The following HAP1 variants were observed in gnomAD, a reference collection of about 807,000 sequenced individuals.
HAP1 encodes the protein huntingtin-associated protein 1.
HAP1 carries 59 observed loss-of-function variants against 60.3 expected under a neutral mutation model. The observed-to-expected ratio is 0.98, with a 90% confidence interval of 0.79 to 1.22. HAP1 has a LOEUF of 1.22. HAP1 is among the 50% of genes most tolerant of loss of function. The pLI, the probability that HAP1 is intolerant of heterozygous loss-of-function variation, is 0.00. For synonymous variants in HAP1, 346 were observed against 330.6 expected (o/e 1.05, Z -0.50); for missense variants, 825 against 785.3 (o/e 1.05, Z -0.60).
chr17:41,720,398 T>C (rs1555586801), downstream of HAP1, among the ~76,000 whole-genome samples: 1 of 151,660 alleles, frequency 6.6e-6, no homozygotes, highest in African/African-American at 2.4e-5. Flanking sequence ...TTTCTCCATG[T>C]TGCTCAGGCT....
downstream of HAP1, among the ~76,000 whole-genome samples, chr17:41,720,231 T>C (rs1911145457): frequency 6.6e-6 from 1 of 150,474 alleles, no homozygotes; most frequent in Admixed American, 6.6e-5. Context: ...GTTTCGCTGT[T>C]GTTGCCCAGG....
At chr17:41,727,977 G>T (rs1381649447) in intron 7 of HAP1, 141 bp from the exon 8 acceptor site, 1 of 697,894 alleles carries the variant, frequency 1.4e-6, no homozygotes, top group Non-Finnish European at 2.5e-6. Context: ...GGAGGGCAAA[G>T]AAGGCAGGGG....
At position 41,731,999 on chromosome 17, in the gene HAP1, T is replaced by C. The variant is rs1305365577; in HGVS notation, c.834A>G (p.Glu278=). 2.6e-5 allele frequency: 35 copies of C among 1,323,938 alleles called. No individual in the cohort carries two copies. The highest frequency in any genetic ancestry group is 3.8e-5 in the Non-Finnish European group (35 of 920,122). The allele number at this position is 1,323,938 out of a possible 1,614,324, so 82.0% of individuals were successfully genotyped here. A position where few individuals can be genotyped will look rare whatever the true frequency, so the allele number is the denominator to read the frequency against. ...CTTCCTCTGCTTCTTCTTCTTCCTG[T>C]TCCTCTTCTGCCTCCTTTTCTTCCT... ...EEEEEKEAEE[E]QEEEEAEEDL... is the part of the protein sequence containing the mutation. Residue 278 remains glutamate (E), a synonymous_variant, in exon 4 of 11, where the codon GAA becomes GAG. Coordinates refer to ENST00000347901, the MANE Select transcript of HAP1 (RefSeq NM_177977.3).
Position 41,724,689 on chromosome 17 carries a change from C to T in HAP1, c.*12G>A, listed in dbSNP as rs1445364492. ...CAGGTGAGCACTCGGGGAGCTTATC[C>T]ACCCTCTCTTTTCATCGGCACGACG... On this transcript the variant is annotated 3_prime_UTR_variant, in exon 11 of 11. Coordinates refer to ENST00000347901, the MANE Select transcript of HAP1 (RefSeq NM_177977.3). 3.2e-6 allele frequency: 5 copies of T among 1,575,182 alleles called. No individual in the cohort carries two copies. In the African/African-American group the frequency reaches 4.0e-5, roughly 13 times the overall value.
rs880000316 is a variant in HAP1 at position 41,726,059 on chromosome 17, C to T, written c.1368-162G>A. On this transcript the variant is annotated intron_variant, in intron 9 of 10. Coordinates refer to ENST00000347901, the MANE Select transcript of HAP1 (RefSeq NM_177977.3). ...CCGAGGTGGGCAGGTCACCTGAGGT[C>T]AGGAGTTCAAGACCAGCCTAGCCAA... Among the ~76,000 whole-genome samples, 3 of 152,006 alleles carry T rather than the reference C, an allele frequency of 2.0e-5. No individual in the cohort carries two copies. The South Asian group carries it at 6.2e-4, about 31-fold the overall frequency.
At position 41,725,789 on chromosome 17, in the gene HAP1, C is replaced by G. The variant is rs965873907; in HGVS notation, c.1406+70G>C. ...CTCCGGAGTTGCAGGGTGGCAGAAC[C>G]AGAGGCAGGTGGGCTGTCTGGCTGC... is the stretch of plus-strand genomic sequence containing the variant. On this transcript the variant is annotated intron_variant, in intron 10 of 10. Coordinates refer to ENST00000347901, the MANE Select transcript of HAP1 (RefSeq NM_177977.3). 7.6e-6 allele frequency: 9 copies of G among 1,177,504 alleles called. No individual in the cohort carries two copies. In the African/African-American group the frequency reaches 1.4e-4, roughly 18 times the overall value. The allele number at this position is 1,177,504 out of a possible 1,614,324, so 72.9% of individuals were successfully genotyped here. A position where few individuals can be genotyped will look rare whatever the true frequency, so the allele number is the denominator to read the frequency against.
rs1555588429 is a variant in HAP1 at position 41,725,083 on chromosome 17, G to A, written c.1478C>T (p.Ala493Val). The change falls in exon 11 of 11, where the codon GCA becomes GTA. Residue 493 changes from alanine to valine, a missense_variant. Physicochemically the swap from Ala to Val is moderately conservative, Grantham distance 64. Coordinates refer to ENST00000347901, the MANE Select transcript of HAP1 (RefSeq NM_177977.3). ...GFEAEEGLML[A>V]ADIMRGEDFT... The stretch of plus-strand genomic sequence containing the variant: ...ATCTTCCCCCCGCATGATATCCGCT[G>A]CCAGCATCAACCCTTCCTCAGCCTC... 1 of 1,613,272 alleles carries A rather than the reference G, an allele frequency of 6.2e-7. No individual in the cohort carries two copies. The highest frequency in any genetic ancestry group is 2.2e-5 in the East Asian group (1 of 44,888).
rs1218701911 is a variant in HAP1 at position 41,724,810 on chromosome 17, T to C, written c.1751A>G (p.Asp584Gly). ...YVLQQLANWQ[D>G]AHYRRQLRWK... is the part of the protein sequence containing the mutation. Reference sequence around the variant, plus strand: ...CCTCAGCTGCCGCCTGTAATGGGCATCTTGCCAGTTGGCCAGCTGCTGGAG... The same window carrying C: ...CCTCAGCTGCCGCCTGTAATGGGCACCTTGCCAGTTGGCCAGCTGCTGGAG... Residue 584 changes from aspartate (D) to glycine (G), a missense_variant, in exon 11 of 11, where the codon GAT (aspartate) becomes GGT (glycine). Asp to Gly is a moderately conservative substitution (Grantham distance 94). Coordinates refer to ENST00000347901, the MANE Select transcript of HAP1 (RefSeq NM_177977.3). 3 of 1,612,874 alleles carry C rather than the reference T, an allele frequency of 1.9e-6. No individual in the cohort carries two copies. Among genetic ancestry groups the C allele is most frequent in the African/African-American group, 1.3e-5 (1 of 74,926 alleles).
Position 41,728,291 on chromosome 17 carries a change from C to T in HAP1, c.1110G>A (p.Leu370=), listed in dbSNP as rs781886861. 6.2e-7 allele frequency: 1 copy of T among 1,613,644 alleles called. No homozygotes were observed. The change falls in exon 7 of 11, where the codon CTG becomes CTA. Residue 370 remains leucine, a synonymous_variant. Coordinates refer to ENST00000347901, the MANE Select transcript of HAP1 (RefSeq NM_177977.3). Reference sequence around the variant, plus strand: ...GTTCATAGTTTTCCAGCCTGAGCACCAGCACCTCCGACAGCTCAGCCATCT... The same window carrying T: ...GTTCATAGTTTTCCAGCCTGAGCACTAGCACCTCCGACAGCTCAGCCATCT... ...SQQMAELSEV[L]VLRLENYERQ...
chr17:41,731,988 T>G lies in HAP1; in HGVS notation c.845A>C (p.Glu282Ala). The change falls in exon 4 of 11, where the codon GAA becomes GCA. Residue 282 changes from glutamate to alanine, a missense_variant. By Grantham distance (107) the Glu-to-Ala change is moderately radical (BLOSUM62 -1). Coordinates refer to ENST00000347901, the MANE Select transcript of HAP1 (RefSeq NM_177977.3). ...EKEAEEEQEE[E>A]EAEEDLQCAH... ...ACACTGCAGGTCTTCCTCTGCTTCT[T>G]CTTCTTCCTGTTCCTCTTCTGCCTC... 3 of 1,258,584 alleles carry G rather than the reference T, an allele frequency of 2.4e-6. No individual in the cohort carries two copies. The highest frequency in any genetic ancestry group is 3.5e-6 in the Non-Finnish European group (3 of 864,938). The allele number at this position is 1,258,584 out of a possible 1,614,324, so 78.0% of individuals were successfully genotyped here.
rs781965955 is a variant in HAP1, at chr17:41,724,982, T to A, written c.1579A>T (p.Met527Leu). ...TCTGACACCAGCTCTGCCTCTTCCA[T>A]CACCCCTTCCTCAGCCGGCACCTTC... ...AKKVPAEEGV[M>L]EEAELVSEET... The change falls in exon 11 of 11, where the codon ATG (methionine) becomes TTG (leucine). Residue 527 changes from methionine (M) to leucine (L), a missense_variant. Transcript: ENST00000347901. 6.2e-7 allele frequency: 1 copy of A among 1,612,646 alleles called. No individual in the cohort carries two copies. Among genetic ancestry groups the A allele is most frequent in the Non-Finnish European group, 8.5e-7 (1 of 1,179,956 alleles).
rs1317989164 is a variant in HAP1, at chr17:41,724,625, T to C, written c.*76A>G. The C allele has an allele frequency of 8.6e-6, 9 of 1,047,662 alleles. No individual in the cohort carries two copies. In the Admixed American group the frequency reaches 1.6e-4, roughly 19 times the overall value. 64.9% of individuals were successfully genotyped at this position (1,047,662 alleles called of 1,614,324 possible). ...GTGTCTATGCAAATGATATGCAAAG[T>C]CCATGCAAATAAGCACAGCAGGTAG... On this transcript the variant is annotated 3_prime_UTR_variant, in exon 11 of 11. Transcript: ENST00000347901.
intron 4 of HAP1, 56 bp from the exon 5 acceptor site, chr17:41,731,799 A>G (rs1479923893): frequency 2.3e-6 from 3 of 1,312,184 alleles, no homozygotes; most frequent in Non-Finnish European, 3.3e-6. Flanking sequence ...CCCAGTTCCC[A>G]GCCCACCAGG....
rs552956163 is a variant in HAP1, at chr17:41,727,536, C to T, written c.1275+226G>A. The T allele has an allele frequency of 9.9e-5, 72 of 723,622 alleles. 3 individuals carry two copies. The highest frequency in any genetic ancestry group is 8.9e-4 in the South Asian group (59 of 66,406). 44.8% of individuals were successfully genotyped at this position (723,622 alleles called of 1,614,324 possible). A position where few individuals can be genotyped will look rare whatever the true frequency, so the allele number is the denominator to read the frequency against. On this transcript the variant is annotated intron_variant, in intron 8 of 10. Coordinates refer to ENST00000347901, the MANE Select transcript of HAP1 (RefSeq NM_177977.3). ...GGCCAGAGGCCCAGGTTCTGGACTC[C>T]AAGTGTCATGTGGGGGACCCAGGGC...
chr17:41,727,260 A>C, intron 8 of HAP1, 116 bp from the exon 9 acceptor site: 1 of 788,710 alleles, frequency 1.3e-6, no homozygotes, highest in Non-Finnish European at 2.3e-6. Context: ...ACACAGGCAC[A>C]GACGTAGGAA....
intron 5 of HAP1, 39 bp downstream of exon 5, chr17:41,731,599 C>T (rs897774058): frequency 1.3e-6 from 2 of 1,596,638 alleles, no homozygotes; most frequent in East Asian, 2.2e-5. Flanking sequence ...GAAGTCAACA[C>T]CCCCTGCTAG....
downstream of HAP1, chr17:41,721,500 T>G (rs972825646): frequency 5.7e-6 from 1 of 175,440 alleles, no homozygotes; most frequent in African/African-American, 2.4e-5. Context: ...GGTGTTCTCC[T>G]GCATCTCCGT....
intron 9 of HAP1, 137 bp downstream of exon 9, chr17:41,726,916 G>A: frequency 1.7e-6 from 1 of 601,800 alleles, no homozygotes; most frequent in Non-Finnish European, 3.0e-6. Flanking sequence ...TCATAGAGAA[G>A]CAATGAGTGG....
intron 1 of HAP1, 89 bp downstream of exon 1, chr17:41,734,077 G>A (rs1597751942): frequency 9.7e-7 from 1 of 1,036,096 alleles, no homozygotes; most frequent in South Asian, 1.6e-5. Flanking sequence ...GTGCTAGAGG[G>A]GGCGGGGTGC....
Sources: allele counts gnomAD v4.1 joint callset (sites outside exome capture counted in the v4.1 genomes callset), GRCh38; gene constraint gnomAD v4.1.1; transcripts MANE v1.5; gene names NCBI Gene and HGNC (gene_info 2026-07-23, HGNC 2026-07-21).